The following ZNF385D variants were observed in gnomAD, a reference collection of about 807,000 sequenced individuals.
ZNF385D encodes zinc finger protein 385D.
ZNF385D carries 15 observed loss-of-function variants against 35.8 expected under a neutral mutation model. The ratio of observed to expected loss-of-function variants is 0.42; its 90% CI spans 0.28 to 0.64. The LOEUF is 0.64. ZNF385D is among the 30% of genes least tolerant of loss of function. The pLI is 0.23. For synonymous variants in ZNF385D, 212 were observed against 186.8 expected, an observed-to-expected ratio of 1.13 and a Z score of -1.10; for missense variants, 474 against 494.6, an observed-to-expected ratio of 0.96 and a Z score of 0.39.
chr3:21,779,860 C>G (rs919112991), intron 3 of ZNF385D, among the ~76,000 whole-genome samples: 2 of 151,834 alleles, frequency 1.3e-5, no homozygotes, highest in Admixed American at 1.3e-4. Flanking sequence ...ATAATTTATT[C>G]TTTTTGTGGT....
chr3:22,000,947 C>T (rs1695802089), intron 3 of ZNF385D, among the ~76,000 whole-genome samples: 2 of 150,896 alleles, frequency 1.3e-5, no homozygotes, highest in East Asian at 3.9e-4. Flanking sequence ...AATTATCTGC[C>T]ATCATAAAAA....
chr3:22,112,404 C>T (rs963993521), intron 3 of ZNF385D, among the ~76,000 whole-genome samples: 2 of 152,026 alleles, frequency 1.3e-5, no homozygotes, highest in African/African-American at 4.8e-5. Context: ...AAATATTATA[C>T]AGCATATACT....
chr3:22,014,251 G>A (rs990880441), intron 3 of ZNF385D, among the ~76,000 whole-genome samples: 2 of 152,060 alleles, frequency 1.3e-5, no homozygotes, highest in Admixed American at 6.6e-5. Context: ...TGCAGTAGAA[G>A]TAAGAAATTG....
intron 3 of ZNF385D, among the ~76,000 whole-genome samples, chr3:22,116,208 A>G (rs1294099163): frequency 6.6e-6 from 1 of 151,924 alleles, no homozygotes; most frequent in Non-Finnish European, 1.5e-5. Context: ...CAAGTTATAA[A>G]TTTTTCTTTG....
chr3:21,707,859 G>C (rs563512966), intron 1 of ZNF385D, among the ~76,000 whole-genome samples: 4 of 152,260 alleles, frequency 2.6e-5, no homozygotes, highest in South Asian at 2.1e-4. Context: ...TAAAATTTTA[G>C]AAGATGAGAA....
At chr3:21,919,125 A>T (rs1344593213) in intron 3 of ZNF385D, among the ~76,000 whole-genome samples, 1 of 152,206 alleles carries the variant, frequency 6.6e-6, no homozygotes, top group African/African-American at 2.4e-5. Flanking sequence ...GTTATTATAA[A>T]TATTGCCAAA....
At chr3:22,251,017 A>C (rs766265838) in intron 2 of ZNF385D, among the ~76,000 whole-genome samples, 6 of 152,060 alleles carry the variant, frequency 3.9e-5, no homozygotes, top group Non-Finnish European at 8.8e-5. Context: ...AACACCAATC[A>C]ATCGCCCTTA....
chr3:22,121,197 A>G (rs1471085927), intron 3 of ZNF385D, among the ~76,000 whole-genome samples: 2 of 152,130 alleles, frequency 1.3e-5, no homozygotes, highest in Non-Finnish European at 2.9e-5. Flanking sequence ...ACTTACTTCT[A>G]AACACTCACT....
intron 3 of ZNF385D, among the ~76,000 whole-genome samples, chr3:21,761,868 CCT>C (rs2070626878): frequency 9.7e-6 from 1 of 102,912 alleles, no homozygotes; most frequent in African/African-American, 3.6e-5. Flanking sequence ...GCATTTTCTT[CCT>C]TTTTTTTTTT....
intron 2 of ZNF385D, among the ~76,000 whole-genome samples, chr3:22,206,276 AT>A (rs1163318909): frequency 6.6e-6 from 1 of 152,028 alleles, no homozygotes; most frequent in Non-Finnish European, 1.5e-5. Context: ...ACCCAGATAT[AT>A]AAAGCAAATA....
intron 3 of ZNF385D, among the ~76,000 whole-genome samples, chr3:21,803,728 G>A (rs1019533051): frequency 2.6e-5 from 4 of 152,032 alleles, no homozygotes; most frequent in South Asian, 2.1e-4. Flanking sequence ...TCATTGTTTA[G>A]GCTTCCTTAA....
intron 2 of ZNF385D, among the ~76,000 whole-genome samples, chr3:22,263,872 C>T (rs568663590): frequency 8.6e-5 from 13 of 151,666 alleles, no homozygotes; most frequent in Non-Finnish European, 1.8e-4. Flanking sequence ...GACAGCCCCT[C>T]ATGCAAAAAA....
At chr3:22,076,508 G>A (rs976787483) in intron 3 of ZNF385D, among the ~76,000 whole-genome samples, 3 of 151,740 alleles carry the variant, frequency 2.0e-5, no homozygotes, top group African/African-American at 7.2e-5. Flanking sequence ...ACTTAAAGTT[G>A]GTCCTCCAGT....
chr3:22,274,908 T>G (rs1388483886), intron 2 of ZNF385D, among the ~76,000 whole-genome samples: 2 of 151,988 alleles, frequency 1.3e-5, no homozygotes, highest in Non-Finnish European at 2.9e-5. Flanking sequence ...TGAAAACATT[T>G]AAGTGCATAA....
At chr3:22,245,356 T>G (rs1699717949) in intron 2 of ZNF385D, among the ~76,000 whole-genome samples, 1 of 151,978 alleles carries the variant, frequency 6.6e-6, no homozygotes, top group Non-Finnish European at 1.5e-5. Flanking sequence ...GGTTCCTGCT[T>G]TCCAAGGAAA....
At chr3:22,028,469 A>T (rs542676860) in intron 3 of ZNF385D, among the ~76,000 whole-genome samples, 3 of 152,218 alleles carry the variant, frequency 2.0e-5, no homozygotes, top group Non-Finnish European at 4.4e-5. Flanking sequence ...GCAGAGACCA[A>T]CACTGAGCCC....
At chr3:22,194,785 CTGA>C (rs1307598526) in intron 2 of ZNF385D, among the ~76,000 whole-genome samples, 2 of 151,766 alleles carry the variant, frequency 1.3e-5, no homozygotes, top group Non-Finnish European at 2.9e-5. Context: ...TTAACTCAGG[CTGA>C]TGGTTTTTAG....
intron 3 of ZNF385D, among the ~76,000 whole-genome samples, chr3:22,142,271 C>T (rs1361415053): frequency 1.3e-5 from 2 of 152,100 alleles, no homozygotes; most frequent in African/African-American, 4.8e-5. Context: ...CAGCTTTTTA[C>T]TAGGAGTTTA....
chr3:21,557,373 AG>A (rs1395692860), intron 3 of ZNF385D, among the ~76,000 whole-genome samples: 2 of 152,158 alleles, frequency 1.3e-5, no homozygotes, highest in East Asian at 1.9e-4. Context: ...TTCAGCATGA[AG>A]GGGTTTTGAA....
Sources: allele counts gnomAD v4.1 joint callset (sites outside exome capture counted in the v4.1 genomes callset), GRCh38; gene constraint gnomAD v4.1.1; transcripts MANE v1.5; gene names NCBI Gene and HGNC (gene_info 2026-07-23, HGNC 2026-07-21).